The following LDLRAD4 variants were observed in gnomAD, a reference collection of about 807,000 sequenced individuals.
LDLRAD4 encodes the protein low density lipoprotein receptor class A domain containing 4, also known as low-density lipoprotein receptor class A domain-containing protein 4.
In LDLRAD4, 5 loss-of-function variants were observed where a neutral mutation model predicts 17.0. The ratio of observed to expected loss-of-function variants is 0.29; its 90% CI spans 0.15 to 0.62. The LOEUF (loss-of-function observed/expected upper bound fraction) is 0.62. Ranked by LOEUF, LDLRAD4 falls within the 20% of genes least tolerant of loss-of-function variation. LDLRAD4 has a pLI of 0.84. For synonymous variants in LDLRAD4, 168 were observed against 171.8 expected, an observed-to-expected ratio of 0.98 and a Z score of 0.17; for missense variants, 340 against 424.7, an observed-to-expected ratio of 0.80 and a Z score of 1.75.
At chr18:13,646,038 A>G (rs1296407344) in exon 6 of LDLRAD4, 1 of 167,262 alleles carries the variant, frequency 6.0e-6, no homozygotes, top group Non-Finnish European at 1.3e-5. Flanking sequence ...TTTATAATTA[A>G]CTGAATAAAG....
chr18:13,493,579 T>C (rs62085756), intron 3 of LDLRAD4, among the ~76,000 whole-genome samples: 2,474 of 152,366 alleles, frequency 0.016, 24 homozygotes, highest in Non-Finnish European at 0.027. Flanking sequence ...GGTCATCGCT[T>C]TATATGCTTT....
At chr18:13,261,991 G>A (rs2043844858) in intron 1 of LDLRAD4, among the ~76,000 whole-genome samples, 1 of 150,934 alleles carries the variant, frequency 6.6e-6, no homozygotes, top group Non-Finnish European at 1.5e-5. Context: ...TGGAAACTGA[G>A]TCCCGTGGGG....
intron 4 of LDLRAD4, among the ~76,000 whole-genome samples, chr18:13,641,482 T>C (rs1296447273): frequency 2.0e-5 from 3 of 152,154 alleles, no homozygotes; most frequent in African/African-American, 7.2e-5. Context: ...ATCGATTGAT[T>C]AGATAGGTTA....
chr18:13,325,003 A>T (rs2081444481), intron 1 of LDLRAD4, among the ~76,000 whole-genome samples: 1 of 152,184 alleles, frequency 6.6e-6, no homozygotes, highest in African/African-American at 2.4e-5. Flanking sequence ...TAAAGTAAAC[A>T]TAGAGTAGAG....
chr18:13,620,854 T>C, intron 3 of LDLRAD4: 1 of 523,424 alleles, frequency 1.9e-6, no homozygotes, highest in South Asian at 2.8e-5. Context: ...ATAGCTTCAG[T>C]TTGTGGAGAC....
At chr18:13,240,513 T>C (rs1026478734) in intron 1 of LDLRAD4, 3 of 152,324 alleles carry the variant, frequency 2.0e-5, no homozygotes, top group African/African-American at 7.2e-5. Flanking sequence ...GCACCTGGGC[T>C]AGAGGTCCGT....
intron 2 of LDLRAD4, among the ~76,000 whole-genome samples, chr18:13,415,141 T>C (rs1023598197): frequency 1.3e-5 from 2 of 152,208 alleles, no homozygotes; most frequent in African/African-American, 4.8e-5. Flanking sequence ...TGGGGGCATC[T>C]GTTGCCTGGA....
chr18:13,358,374 A>G (rs1197291560), intron 1 of LDLRAD4, among the ~76,000 whole-genome samples: 1 of 152,112 alleles, frequency 6.6e-6, no homozygotes, highest in Non-Finnish European at 1.5e-5. Context: ...ATGTTTTCAC[A>G]AGATAAAAGA....
intron 3 of LDLRAD4, among the ~76,000 whole-genome samples, chr18:13,580,161 C>A (rs2094836335): frequency 6.6e-6 from 1 of 152,202 alleles, no homozygotes; most frequent in Admixed American, 6.5e-5. Context: ...GTGTTTTATT[C>A]TGTGCCTCGT....
intron 4 of LDLRAD4, among the ~76,000 whole-genome samples, chr18:13,628,709 C>T (rs11872507): frequency 0.19 from 29,378 of 152,178 alleles, 4,268 homozygotes; most frequent in East Asian, 0.52. Flanking sequence ...CGCAGATTCC[C>T]ACCTGAACCA....
intron 2 of LDLRAD4, among the ~76,000 whole-genome samples, chr18:13,422,633 G>T (rs2089591848): frequency 6.6e-6 from 1 of 152,136 alleles, no homozygotes; most frequent in South Asian, 2.1e-4. Flanking sequence ...AGGTGTTGGA[G>T]GCTGCAGTGA....
At chr18:13,319,582 T>C (rs534629829) in intron 1 of LDLRAD4, among the ~76,000 whole-genome samples, 1 of 152,336 alleles carries the variant, frequency 6.6e-6, no homozygotes, top group East Asian at 1.9e-4. Flanking sequence ...CTCTCATTTT[T>C]GTGTGTGCGT....
upstream of LDLRAD4, among the ~76,000 whole-genome samples, chr18:13,273,262 C>T (rs551391168): frequency 2.6e-5 from 4 of 152,260 alleles, no homozygotes; most frequent in South Asian, 8.3e-4. Context: ...TATGATTTTC[C>T]TGAGATGGCT....
chr18:13,240,916 T>TTTTTCCTTTTC (rs1555625320), intron 1 of LDLRAD4: 3 of 152,582 alleles, frequency 2.0e-5, no homozygotes, highest in African/African-American at 7.3e-5. Flanking sequence ...GCGGGCTTTT[T>TTTTTCCTTTTC]TTTTCTTTTC....
chr18:13,329,803 A>G (rs1194861189), intron 1 of LDLRAD4, among the ~76,000 whole-genome samples: 1 of 152,112 alleles, frequency 6.6e-6, no homozygotes, highest in Admixed American at 6.6e-5. Context: ...TTTACCATAC[A>G]CTGAATTTCT....
At chr18:13,607,860 G>C (rs528813344) in intron 3 of LDLRAD4, among the ~76,000 whole-genome samples, 1 of 152,164 alleles carries the variant, frequency 6.6e-6, no homozygotes, top group Non-Finnish European at 1.5e-5. Flanking sequence ...GGGTGTTCGG[G>C]TTCTTTCCAA....
chr18:13,498,276 ACACGTCC>A (rs1459306463), intron 3 of LDLRAD4, among the ~76,000 whole-genome samples: 1 of 150,332 alleles, frequency 6.7e-6, no homozygotes, highest in Non-Finnish European at 1.5e-5. Flanking sequence ...TTTTCCACAC[ACACGTCC>A]CACTGTGGAC....
At chr18:13,222,105 C>T (rs755717712) in intron 1 of LDLRAD4, among the ~76,000 whole-genome samples, 50 of 152,270 alleles carry the variant, frequency 3.3e-4, no homozygotes, top group Non-Finnish European at 5.3e-4. Context: ...TGTCCACACC[C>T]TTTATTAATT....
chr18:13,539,891 G>A (rs755205837), intron 3 of LDLRAD4, among the ~76,000 whole-genome samples: 2 of 152,244 alleles, frequency 1.3e-5, no homozygotes, highest in African/African-American at 4.8e-5. Flanking sequence ...GGTGCTGGCA[G>A]ACAAATGTCC....
Sources: gnomAD v4.1 joint callset for allele counts (sites outside exome capture counted in the v4.1 genomes callset) on GRCh38, gnomAD v4.1.1 for gene constraint, MANE v1.5 for transcripts, NCBI Gene and HGNC (gene_info 2026-07-23, HGNC 2026-07-21) for gene names.